TOGARAM2: variants seen among roughly 807,000 people sequenced by gnomAD.
TOGARAM2 encodes the protein TOG array regulator of axonemal microtubules protein 2.
Under a neutral mutation model 93.3 loss-of-function variants are expected in TOGARAM2, and 85 were observed. The observed-to-expected ratio is 0.91, with a 90% CI of 0.76 to 1.09. TOGARAM2 has a LOEUF of 1.09. Ranked by LOEUF, TOGARAM2 falls within the 50% of genes least tolerant of loss-of-function variation. The pLI, the probability that TOGARAM2 is intolerant of heterozygous loss-of-function variation, is 0.00. For synonymous variants in TOGARAM2, 593 were observed against 552.8 expected (o/e 1.07, Z -1.02); for missense variants, 1,277 against 1,334.5 (o/e 0.96, Z 0.67).
At position 28,958,757 on chromosome 2, in the gene TOGARAM2, C is replaced by G. The variant is rs1159705927; in HGVS notation, c.-147+2060C>G. ...GTCGGGATTGTCCAGGTTACTTTCTCTGGTTAGAAGTATAATACAAACGTC... is the reference window on the plus strand; with the variant it reads ...GTCGGGATTGTCCAGGTTACTTTCTGTGGTTAGAAGTATAATACAAACGTC... On this transcript the variant is annotated intron_variant, in intron 1 of 6. Coordinates refer to the TOGARAM2 transcript ENST00000401723. Among the ~76,000 whole-genome samples, 4 of 152,286 alleles carry G rather than the reference C, an allele frequency of 2.6e-5. No individual in the cohort carries two copies. In the East Asian group the frequency reaches 7.7e-4, roughly 29 times the overall value.
intron 6 of TOGARAM2, among the ~76,000 whole-genome samples, chr2:29,004,210 T>C (rs954431732): frequency 6.6e-6 from 1 of 152,226 alleles, no homozygotes; most frequent in African/African-American, 2.4e-5. Context: ...TTGAAACTCC[T>C]GACCTCAGGT....
chr2:29,019,183 T>C (rs1664778358), intron 10 of TOGARAM2, among the ~76,000 whole-genome samples: 1 of 148,146 alleles, frequency 6.8e-6, no homozygotes, highest in Non-Finnish European at 1.5e-5. Flanking sequence ...GACTCTTTTT[T>C]TTTTTTTTTT....
intron 18 of TOGARAM2, among the ~76,000 whole-genome samples, chr2:29,041,764 C>G (rs1666453780): frequency 6.6e-6 from 1 of 152,094 alleles, no homozygotes; most frequent in African/African-American, 2.4e-5. Flanking sequence ...AGAAAAGGAG[C>G]CTAGGAAAGC....
At chr2:28,996,020 G>A (rs1421083520) in intron 2 of TOGARAM2, among the ~76,000 whole-genome samples, 2 of 152,254 alleles carry the variant, frequency 1.3e-5, no homozygotes, top group African/African-American at 4.8e-5. Context: ...CTGCAGGGCA[G>A]GAACAGAGAG....
At chr2:28,987,710 T>C (rs558143460) in intron 1 of TOGARAM2, among the ~76,000 whole-genome samples, 1 of 152,320 alleles carries the variant, frequency 6.6e-6, no homozygotes, top group East Asian at 1.9e-4. Context: ...GGCTGCACCC[T>C]ATATTGTCTG....
At chr2:28,974,742 T>C (rs1438360745) in intron 1 of TOGARAM2, among the ~76,000 whole-genome samples, 1 of 152,036 alleles carries the variant, frequency 6.6e-6, no homozygotes, top group Non-Finnish European at 1.5e-5. Flanking sequence ...GCCTCTTGAG[T>C]AGCTGGGATT....
At chr2:28,992,589 C>T (rs528626227) in intron 1 of TOGARAM2, among the ~76,000 whole-genome samples, 56 of 152,194 alleles carry the variant, frequency 3.7e-4, no homozygotes, top group African/African-American at 1.3e-3. Flanking sequence ...TTAAGCATCC[C>T]GTAACCTCAG....
chr2:28,992,800 C>T (rs1016139358), intron 1 of TOGARAM2, among the ~76,000 whole-genome samples: 1 of 152,190 alleles, frequency 6.6e-6, no homozygotes, highest in Non-Finnish European at 1.5e-5. Context: ...TGGCTCATGC[C>T]TGTAATCCCA....
chr2:29,014,371 C>T (rs759965165), intron 7 of TOGARAM2, 24 bp from the exon 8 acceptor site: 7 of 1,606,232 alleles, frequency 4.4e-6, no homozygotes, highest in Middle Eastern at 1.9e-4. Flanking sequence ...GTCTTCAGCT[C>T]CACCCCTGTT....
chr2:29,052,221 AT>A lies in TOGARAM2; in HGVS notation c.*133del. 1.2e-6 allele frequency: 1 copy of A among 822,504 alleles called. No homozygotes were observed. Among genetic ancestry groups the A allele is most frequent in the Middle Eastern group, 2.6e-4 (1 of 3,850 alleles). The allele number at this position is 822,504 out of a possible 1,614,324, so 51.0% of individuals were successfully genotyped here. On this transcript the variant is annotated 3_prime_UTR_variant, in exon 20 of 20. Coordinates refer to ENST00000379558, the MANE Select transcript of TOGARAM2 (RefSeq NM_199280.4). Reference sequence around the variant, plus strand: ...TGAAGTAGAAATAAAAGAATTACTTATTTTTCTAAGGTTTTATTATCTTGTA... The same window carrying A: ...TGAAGTAGAAATAAAAGAATTACTTATTTTCTAAGGTTTTATTATCTTGTA...
chr2:29,041,676 A>C (rs1246229364), intron 18 of TOGARAM2, among the ~76,000 whole-genome samples: 1 of 152,198 alleles, frequency 6.6e-6, no homozygotes, highest in African/African-American at 2.4e-5. Context: ...GTCTGAGCCT[A>C]GGAAGGACAG....
rs1375630969 is a variant in TOGARAM2, at chr2:29,023,197, G to GC, written c.1617+12dup. ...GCTTGGTGGTGACTGGGGAGGTGAG[G>GC]CCCCCCAGCCTGTGTGCTGTGCATT... On this transcript the variant is annotated splice_region_variant and intron_variant, in intron 12 of 19. Coordinates refer to ENST00000379558, the MANE Select transcript of TOGARAM2 (RefSeq NM_199280.4). 1.7e-5 allele frequency: 26 copies of GC among 1,571,276 alleles called. No homozygotes were observed. The highest frequency in any genetic ancestry group is 2.7e-5 in the African/African-American group (2 of 73,998).
intron 6 of TOGARAM2, among the ~76,000 whole-genome samples, chr2:29,010,898 G>T (rs1319816401): frequency 7.2e-5 from 11 of 152,176 alleles, no homozygotes; most frequent in African/African-American, 2.7e-4. Flanking sequence ...CCCTCCTGTG[G>T]GTAATTGGGA....
At chr2:29,022,974 C>T (rs1032406314) in intron 11 of TOGARAM2, 112 bp from the exon 12 acceptor site, 1 of 842,702 alleles carries the variant, frequency 1.2e-6, no homozygotes, top group Non-Finnish European at 1.9e-6. Context: ...TGGCACCCTG[C>T]TGCGGGTGAC....
chr2:29,000,618 T>A (rs1186902333), intron 4 of TOGARAM2, among the ~76,000 whole-genome samples: 1 of 152,166 alleles, frequency 6.6e-6, no homozygotes. Context: ...CTTGAGGTCT[T>A]AGGAAGAAAG....
At chr2:29,027,636 G>A (rs1665490358) in intron 14 of TOGARAM2, among the ~76,000 whole-genome samples, 1 of 151,768 alleles carries the variant, frequency 6.6e-6, no homozygotes, top group South Asian at 2.1e-4. Context: ...TTGCACACTT[G>A]TAGTCCCAGC....
chr2:28,976,683 C>A (rs1305125838), upstream of TOGARAM2, among the ~76,000 whole-genome samples: 2 of 152,224 alleles, frequency 1.3e-5, no homozygotes, highest in Non-Finnish European at 2.9e-5. Flanking sequence ...CCACTGAATT[C>A]CTGTGTGACT....
chr2:28,994,363 C>G (rs1672887503), intron 1 of TOGARAM2, among the ~76,000 whole-genome samples: 1 of 152,176 alleles, frequency 6.6e-6, no homozygotes, highest in Non-Finnish European at 1.5e-5. Context: ...TTCAGGGCAG[C>G]TGGCGGACTC....
intron 1 of TOGARAM2, among the ~76,000 whole-genome samples, chr2:28,958,979 T>TC (rs1671762149): frequency 6.6e-6 from 1 of 152,116 alleles, no homozygotes; most frequent in Admixed American, 6.6e-5. Flanking sequence ...TTTTCTGGTG[T>TC]CCAAGTCCTG....
Sources: gnomAD v4.1 joint callset for allele counts (sites outside exome capture counted in the v4.1 genomes callset) on GRCh38, gnomAD v4.1.1 for gene constraint, MANE v1.5 for transcripts, NCBI Gene and HGNC (gene_info 2026-07-23, HGNC 2026-07-21) for gene names.